Variants in CAMTA1 observed in about 807,000 individuals in gnomAD.
CAMTA1 encodes calmodulin binding transcription activator 1.
In CAMTA1, 27 loss-of-function variants were observed where a neutral mutation model predicts 170.9. The observed-to-expected ratio is 0.16, with a 90% CI of 0.12 to 0.22. The LOEUF (loss-of-function observed/expected upper bound fraction) is 0.22, where lower values mean the gene tolerates loss of function less well. CAMTA1 is among the 10% of genes least tolerant of loss of function. CAMTA1 has a pLI of 1.00. For synonymous variants in CAMTA1, 833 were observed against 891.5 expected, an observed-to-expected ratio of 0.93 and a Z score of 1.17; for missense variants, 1,619 against 2,217.2, an observed-to-expected ratio of 0.73 and a Z score of 5.42.
chr1:6,804,940 T>C (rs1033218906), intron 1 of CAMTA1, among the ~76,000 whole-genome samples: 4 of 152,200 alleles, frequency 2.6e-5, no homozygotes, highest in Non-Finnish European at 2.9e-5. Flanking sequence ...TAATAGACAT[T>C]TGAGTTATTC....
rs925296812 is a variant in CAMTA1, at chr1:6,847,360, G to GTTTA, written c.234+22151_234+22154dup. 2.3e-4 allele frequency among the ~76,000 whole-genome samples: 35 copies of GTTTA among 152,146 alleles called. 1 individual carries two copies. In the Middle Eastern group the frequency reaches 0.024, roughly 104 times the overall value. On this transcript the variant is annotated intron_variant, in intron 3 of 22. Coordinates refer to ENST00000303635, the MANE Select transcript of CAMTA1 (RefSeq NM_015215.4). ...AAACTTTCTGGGCTGAAGGTACTAC[G>GTTTA]TTTAGTCAAACTATTAATACTTCCT... is the stretch of plus-strand genomic sequence containing the variant.
chr1:7,379,148 C>T (rs2087079119), intron 5 of CAMTA1, among the ~76,000 whole-genome samples: 1 of 152,206 alleles, frequency 6.6e-6, no homozygotes, highest in Non-Finnish European at 1.5e-5. Flanking sequence ...TATTATTTCC[C>T]ATTGCTACCC....
intron 5 of CAMTA1, among the ~76,000 whole-genome samples, chr1:7,446,817 G>T (rs1254225709): frequency 6.6e-6 from 1 of 152,204 alleles, no homozygotes; most frequent in Non-Finnish European, 1.5e-5. Flanking sequence ...GAGGGGAGGG[G>T]TGCTCCCCTG....
intron 11 of CAMTA1, among the ~76,000 whole-genome samples, chr1:7,715,399 G>A (rs1376308859): frequency 6.6e-6 from 1 of 151,948 alleles, no homozygotes. Context: ...CCCTGAAACT[G>A]GATGAAGTCA....
intron 4 of CAMTA1, among the ~76,000 whole-genome samples, chr1:7,206,528 T>C (rs762368348): frequency 4.0e-4 from 61 of 152,352 alleles, no homozygotes; most frequent in Middle Eastern, 6.8e-3. Flanking sequence ...TAATGTGCTT[T>C]TTTCCAGTAT....
chr1:7,165,527 G>GT lies in CAMTA1; in HGVS notation c.302+74158dup, dbSNP rs199570482. Among the ~76,000 whole-genome samples the GT allele has an allele frequency of 3.4e-3, 510 of 152,168 alleles. 28 individuals carry two copies. In the East Asian group the frequency reaches 0.085, roughly 25 times the overall value. Reference sequence around the variant, plus strand: ...GCTCACTGCAACTTCTGCCTCGCAGGTTCAAGCAATTCTCCTGTCTCAGCC... The same window carrying GT: ...GCTCACTGCAACTTCTGCCTCGCAGGTTTCAAGCAATTCTCCTGTCTCAGCC... On this transcript the variant is annotated intron_variant, in intron 4 of 22. Transcript: ENST00000303635.
At chr1:7,645,759 C>T (rs1461153444) in intron 7 of CAMTA1, among the ~76,000 whole-genome samples, 2 of 152,248 alleles carry the variant, frequency 1.3e-5, no homozygotes, top group African/African-American at 4.8e-5. Flanking sequence ...ACTGGGCGGG[C>T]GGCAGGAGGG....
At chr1:7,354,673 A>G (rs1479449182) in intron 5 of CAMTA1, among the ~76,000 whole-genome samples, 4 of 152,238 alleles carry the variant, frequency 2.6e-5, no homozygotes, top group Non-Finnish European at 4.4e-5. Context: ...ACTAATTTAC[A>G]TTCCCACCTG....
At chr1:7,444,316 C>A (rs936336667) in intron 5 of CAMTA1, among the ~76,000 whole-genome samples, 2 of 152,178 alleles carry the variant, frequency 1.3e-5, no homozygotes, top group African/African-American at 4.8e-5. Flanking sequence ...TCTGAGGACC[C>A]ACTCTGTACC....
chr1:6,967,962 A>G (rs1427345164), intron 3 of CAMTA1, among the ~76,000 whole-genome samples: 1 of 152,258 alleles, frequency 6.6e-6, no homozygotes, highest in East Asian at 1.9e-4. Flanking sequence ...TTGGCATTAT[A>G]TCACAGTTAA....
In CAMTA1 at chr1:7,175,809, G is replaced by A. The variant is rs1002360054; in HGVS notation, c.303-73682G>A. On this transcript the variant is annotated intron_variant, in intron 4 of 22. Transcript: ENST00000303635. ...GTGCCCTTGTCCTTTCAGCCCCCAG[G>A]TATTTGCAGGTCCTGGACTGACAGG... Among the ~76,000 whole-genome samples the A allele has an allele frequency of 2.6e-5, 4 of 152,382 alleles. No individual in the cohort carries two copies. In the East Asian group the frequency reaches 5.8e-4, roughly 22 times the overall value.
At chr1:7,312,878 C>A (rs189153410) in intron 5 of CAMTA1, among the ~76,000 whole-genome samples, 2,057 of 152,206 alleles carry the variant, frequency 0.014, 23 homozygotes, top group Middle Eastern at 0.024. Flanking sequence ...TTTAAAGAAG[C>A]ACTTGTTCAT....
intron 3 of CAMTA1, among the ~76,000 whole-genome samples, chr1:7,017,138 TG>T (rs1468033946): frequency 4.6e-5 from 7 of 152,220 alleles, no homozygotes; most frequent in Admixed American, 6.5e-5. Context: ...GAGTCCCAGT[TG>T]TTTCATTTCT....
chr1:7,742,956 G>A (rs897492830), intron 16 of CAMTA1, among the ~76,000 whole-genome samples: 2 of 152,076 alleles, frequency 1.3e-5, no homozygotes, highest in Admixed American at 1.3e-4. Context: ...GGCCTCTCTA[G>A]TATCTGGGAT....
chr1:7,153,504 C>T (rs1424571022), intron 4 of CAMTA1, among the ~76,000 whole-genome samples: 3 of 152,126 alleles, frequency 2.0e-5, no homozygotes, highest in East Asian at 3.9e-4. Flanking sequence ...TACCTGCACT[C>T]AGAAGGAGGC....
intron 3 of CAMTA1, among the ~76,000 whole-genome samples, chr1:6,910,173 C>G (rs1316827970): frequency 6.6e-6 from 1 of 152,238 alleles, no homozygotes; most frequent in Non-Finnish European, 1.5e-5. Flanking sequence ...TTATAGGGCC[C>G]AGGTGGCTGC....
intron 7 of CAMTA1, among the ~76,000 whole-genome samples, chr1:7,650,371 C>T (rs1201063366): frequency 1.3e-5 from 2 of 152,184 alleles, no homozygotes; most frequent in Non-Finnish European, 2.9e-5. Flanking sequence ...AAGGACATGC[C>T]ACCCCACACG....
Position 7,086,543 on chromosome 1 carries a change from C to T in CAMTA1, c.235-4761C>T, listed in dbSNP as rs889007833. On this transcript the variant is annotated intron_variant, in intron 3 of 22. Transcript: ENST00000303635. ...ATTTTCATCACCCCAGAAGGAAACC[C>T]GACACCCATCAGCCATAACTCCCCA... Among the ~76,000 whole-genome samples, 13 of 152,284 alleles carry T rather than the reference C, an allele frequency of 8.5e-5. No individual in the cohort carries two copies. In the East Asian group the frequency reaches 1.5e-3, roughly 18 times the overall value.
intron 4 of CAMTA1, among the ~76,000 whole-genome samples, chr1:7,180,511 C>CT (rs397862259): frequency 0.35 from 24,666 of 71,384 alleles, 5,212 homozygotes; most frequent in Middle Eastern, 0.55. Context: ...TGTCACTAGA[C>CT]TTTTTTTTTT....
Sources: gnomAD v4.1 joint callset for allele counts (sites outside exome capture counted in the v4.1 genomes callset) on GRCh38, gnomAD v4.1.1 for gene constraint, MANE v1.5 for transcripts, NCBI Gene and HGNC (gene_info 2026-07-23, HGNC 2026-07-21) for gene names.